The following PRH1 variants were observed in gnomAD, a reference collection of about 807,000 sequenced individuals.
PRH1 encodes the protein proline rich protein HaeIII subfamily 1.
PRH1 carries 7 observed loss-of-function variants against 7.9 expected under a neutral mutation model. That is an observed-to-expected ratio of 0.89 (90% CI 0.50 to 1.67). The LOEUF is 1.67. Among genes scored for constraint, PRH1 ranks in the 40% most tolerant of loss-of-function variants. PRH1 has a pLI of 0.00. For synonymous variants in PRH1, 45 were observed against 80.8 expected (o/e 0.56, Z 2.38); for missense variants, 109 against 223.6 (o/e 0.49, Z 3.27).
At chr12:11,117,099 T>C (rs1298058349), downstream of PRH1, among the ~76,000 whole-genome samples, 2 of 152,008 alleles carry the variant, frequency 1.3e-5, no homozygotes, top group Admixed American at 6.6e-5. Context: ...ATAAAGAGCA[T>C]CCACATAGGA....
chr12:10,972,286 C>G (rs1938852255), intron 2 of PRH1, among the ~76,000 whole-genome samples: 1 of 152,128 alleles, frequency 6.6e-6, no homozygotes, highest in Non-Finnish European at 1.5e-5. Flanking sequence ...CATGATCCCC[C>G]TTAAGGTCCT....
At chr12:10,956,312 A>G (rs958549797) in intron 2 of PRH1, among the ~76,000 whole-genome samples, 1 of 151,772 alleles carries the variant, frequency 6.6e-6, no homozygotes, top group South Asian at 2.1e-4. Context: ...AAGTGAAACT[A>G]ACAAAAACCA....
intron 1 of PRH1, among the ~76,000 whole-genome samples, chr12:11,108,499 G>A (rs28866630): frequency 0.22 from 33,083 of 152,098 alleles, 3,676 homozygotes; most frequent in Non-Finnish European, 0.24. Flanking sequence ...GTTAGACAGC[G>A]GGTGAAGCCC....
In PRH1 at chr12:10,950,287, T is replaced by C. The variant is rs370448550; in HGVS notation, c.-59+23368A>G. Among the ~76,000 whole-genome samples, 11 of 152,278 alleles carry C rather than the reference T, an allele frequency of 7.2e-5. No individual in the cohort carries two copies. In the South Asian group the frequency reaches 2.3e-3, roughly 32 times the overall value. On this transcript the variant is annotated intron_variant, in intron 2 of 3. Transcript: ENST00000539853. The stretch of plus-strand genomic sequence containing the variant: ...GTGATCCTCCATCATAATCAGATTA[T>C]GTCATACTCAGCCAAAGGAATTCTT...
intron 1 of PRH1, among the ~76,000 whole-genome samples, chr12:11,144,771 C>G (rs1011348574): frequency 1.3e-5 from 2 of 152,220 alleles, no homozygotes; most frequent in African/African-American, 4.8e-5. Context: ...GGGCCTTCTG[C>G]CCTGCTTCCT....
intron 2 of PRH1, chr12:10,929,113 A>G: frequency 2.6e-6 from 2 of 769,414 alleles, no homozygotes; most frequent in Non-Finnish European, 4.3e-6. Context: ...AATGAGGGAT[A>G]CACTTGACCT....
At chr12:11,156,951 G>A (rs529919951) in intron 1 of PRH1, among the ~76,000 whole-genome samples, 1 of 150,804 alleles carries the variant, frequency 6.6e-6, no homozygotes, top group East Asian at 2.0e-4. Flanking sequence ...GTTCACACCA[G>A]TCTCCTGCCT....
At chr12:10,999,076 C>T (rs1227303244) in intron 1 of PRH1, among the ~76,000 whole-genome samples, 2 of 152,064 alleles carry the variant, frequency 1.3e-5, no homozygotes, top group African/African-American at 2.4e-5. Flanking sequence ...CTCAAATCAC[C>T]AGAGCCATCC....
chr12:11,145,162 CAT>C (rs1287264070), intron 1 of PRH1, among the ~76,000 whole-genome samples: 1 of 152,182 alleles, frequency 6.6e-6, no homozygotes, highest in Non-Finnish European at 1.5e-5. Context: ...CGAACCTACA[CAT>C]GTGCCTATAC....
chr12:11,063,673 T>C (rs2136187387), intron 1 of PRH1, among the ~76,000 whole-genome samples: 1 of 152,244 alleles, frequency 6.6e-6, no homozygotes, highest in Non-Finnish European at 1.5e-5. Flanking sequence ...GGGAAATATG[T>C]ACAACCTTGT....
At chr12:11,017,979 C>T (rs1213319386) in intron 1 of PRH1, among the ~76,000 whole-genome samples, 1 of 152,160 alleles carries the variant, frequency 6.6e-6, no homozygotes, top group African/African-American at 2.4e-5. Flanking sequence ...TCTGCCAAAA[C>T]CAGATGGGTT....
intron 1 of PRH1, among the ~76,000 whole-genome samples, chr12:11,167,836 T>C (rs1947626181): frequency 6.6e-6 from 1 of 152,218 alleles, no homozygotes; most frequent in African/African-American, 2.4e-5. Context: ...TCTTTTGGTC[T>C]ACTGCTAACT....
At chr12:11,170,124 T>C (rs891904185) in intron 1 of PRH1, among the ~76,000 whole-genome samples, 1 of 152,202 alleles carries the variant, frequency 6.6e-6, no homozygotes, top group African/African-American at 2.4e-5. Context: ...GTGTGTGCGA[T>C]TAAAAAATAC....
intron 1 of PRH1, among the ~76,000 whole-genome samples, chr12:11,088,041 T>C (rs1417602487): frequency 1.4e-4 from 17 of 125,630 alleles, no homozygotes; most frequent in Non-Finnish European, 2.0e-4. Flanking sequence ...GATTATTTAA[T>C]ATATTAATAA....
chr12:11,042,433 T>A (rs1252288829), intron 1 of PRH1, among the ~76,000 whole-genome samples: 1 of 109,722 alleles, frequency 9.1e-6, no homozygotes, highest in African/African-American at 3.5e-5. Flanking sequence ...CAAAACCTGA[T>A]AAGACCAAAA....
chr12:11,011,967 A>G (rs961289481), intron 1 of PRH1, among the ~76,000 whole-genome samples: 1 of 152,152 alleles, frequency 6.6e-6, no homozygotes, highest in Non-Finnish European at 1.5e-5. Flanking sequence ...TCATGTTTTC[A>G]GCCCATTTTC....
chr12:11,168,836 A>G (rs1947717372), intron 1 of PRH1, among the ~76,000 whole-genome samples: 1 of 152,246 alleles, frequency 6.6e-6, no homozygotes, highest in African/African-American at 2.4e-5. Flanking sequence ...TCAGAATCAT[A>G]ATATTCACAT....
chr12:10,890,838 CT>C (rs368364023), intron 2 of PRH1, among the ~76,000 whole-genome samples: 4,375 of 144,706 alleles, frequency 0.03, 78 homozygotes, highest in African/African-American at 0.049. Flanking sequence ...GGAGGGTTGG[CT>C]TTTTTTTTTT....
At chr12:11,105,789 A>G (rs1162196121) in intron 1 of PRH1, among the ~76,000 whole-genome samples, 1 of 152,202 alleles carries the variant, frequency 6.6e-6, no homozygotes, top group African/African-American at 2.4e-5. Flanking sequence ...GATCATCACC[A>G]AAGTAAATTT....
Sources: gnomAD v4.1 joint callset for allele counts (sites outside exome capture counted in the v4.1 genomes callset) on GRCh38, gnomAD v4.1.1 for gene constraint, MANE v1.5 for transcripts, NCBI Gene and HGNC (gene_info 2026-07-23, HGNC 2026-07-21) for gene names.